Variants in FAM185A observed in about 807,000 individuals in gnomAD.
The protein encoded by FAM185A is family with sequence similarity 185 member A.
A neutral mutation model predicts 45.7 loss-of-function variants in FAM185A; 21 were observed. The ratio of observed to expected loss-of-function variants is 0.46; its 90% confidence interval spans 0.33 to 0.66. FAM185A has a LOEUF of 0.66. FAM185A is among the 30% of genes least tolerant of loss of function. The pLI is 0.03. For missense variants in FAM185A, 305 were observed against 485.4 expected (o/e 0.63, Z 3.49); for synonymous variants, 117 against 194.0 (o/e 0.60, Z 3.30).
Position 102,758,434 on chromosome 7 carries a change from T to A in FAM185A, c.654+488T>A, listed in dbSNP as rs1241179490. On this transcript the variant is annotated intron_variant, in intron 3 of 7. Transcript: ENST00000413034. Reference sequence around the variant, plus strand: ...GCTTTACTGCTCTCACAGCTTTTTTTTTTTTTTTTTTTTTTTTTTTTTTTT... The same window carrying A: ...GCTTTACTGCTCTCACAGCTTTTTTATTTTTTTTTTTTTTTTTTTTTTTTT... 4.2e-5 allele frequency among the ~76,000 whole-genome samples: 5 copies of A among 120,134 alleles called. 1 individual carries two copies. The highest frequency in any genetic ancestry group is 5.0e-4 in the South Asian group (2 of 3,990). 78.8% of individuals were successfully genotyped at this position (120,134 alleles called of 152,430 possible).
intron 7 of FAM185A, among the ~76,000 whole-genome samples, chr7:102,801,117 A>G (rs1796763748): frequency 6.6e-6 from 1 of 152,216 alleles, no homozygotes; most frequent in Non-Finnish European, 1.5e-5. Flanking sequence ...AGAATTTTGT[A>G]TCCAGCGAAA....
chr7:102,770,413 G>GA (rs751333724), intron 4 of FAM185A, among the ~76,000 whole-genome samples: 7 of 145,778 alleles, frequency 4.8e-5, no homozygotes, highest in Admixed American at 6.9e-5. Context: ...ACAACCTACA[G>GA]AATGGGAGAA....
the FAM185A span, among the ~76,000 whole-genome samples, chr7:102,820,074 A>C: frequency 0.014 from 2,137 of 152,296 alleles, 118 homozygotes; most frequent in East Asian, 0.16. Flanking sequence ...TACTAGTCCA[A>C]ACACTGGGAC....
the FAM185A span, among the ~76,000 whole-genome samples, chr7:102,846,197 T>TA: frequency 5.9e-5 from 9 of 151,890 alleles, no homozygotes; most frequent in South Asian, 2.1e-4. Context: ...CCTCATCATT[T>TA]AAAAAAAAAT....
At chr7:102,752,414 G>T (rs1195176912) in intron 2 of FAM185A, among the ~76,000 whole-genome samples, 1 of 151,696 alleles carries the variant, frequency 6.6e-6, no homozygotes, top group Non-Finnish European at 1.5e-5. Context: ...TGGGATTACA[G>T]GCATGCACCA....
the FAM185A span, among the ~76,000 whole-genome samples, chr7:102,840,636 G>T: frequency 5.3e-5 from 8 of 152,150 alleles, no homozygotes; most frequent in African/African-American, 1.9e-4. Flanking sequence ...GAAATAAAGA[G>T]TTCACGAACT....
chr7:102,828,788 G>A, the FAM185A span, among the ~76,000 whole-genome samples: 1 of 152,052 alleles, frequency 6.6e-6, no homozygotes, highest in African/African-American at 2.4e-5. Flanking sequence ...TGGGGATTTC[G>A]CCCAGCTCAC....
the FAM185A span, among the ~76,000 whole-genome samples, chr7:102,846,092 T>G: frequency 2.0e-5 from 3 of 152,218 alleles, no homozygotes; most frequent in Admixed American, 2.0e-4. Flanking sequence ...CAACAGTGCC[T>G]GACATGTAGT....
the FAM185A span, among the ~76,000 whole-genome samples, chr7:102,840,630 TAA>T: frequency 6.6e-6 from 1 of 152,114 alleles, no homozygotes; most frequent in African/African-American, 2.4e-5. Flanking sequence ...CTCTAAGAAA[TAA>T]AGAGTTCACG....
the FAM185A span, among the ~76,000 whole-genome samples, chr7:102,848,971 G>A: frequency 6.6e-6 from 1 of 152,158 alleles, no homozygotes; most frequent in Non-Finnish European, 1.5e-5. Context: ...TTGCACTCCA[G>A]CTTGGGCAAC....
At chr7:102,777,379 T>C in intron 6 of FAM185A, 31 bp downstream of exon 6, 1 of 1,413,068 alleles carries the variant, frequency 7.1e-7, no homozygotes, top group Admixed American at 2.4e-5. Flanking sequence ...TATTTTGACA[T>C]ATGATGTAAG....
chr7:102,755,047 C>G (rs188147552), intron 2 of FAM185A: 5 of 380,646 alleles, frequency 1.3e-5, no homozygotes, highest in African/African-American at 1.0e-4. Context: ...GAAAAAAATG[C>G]ATGTCTATGA....
intron 6 of FAM185A, among the ~76,000 whole-genome samples, chr7:102,780,036 C>A (rs1795309762): frequency 6.6e-6 from 1 of 151,880 alleles, no homozygotes; most frequent in South Asian, 2.1e-4. Flanking sequence ...ATAAAATAAA[C>A]TAGTTGTAGT....
downstream of FAM185A, among the ~76,000 whole-genome samples, chr7:102,812,902 A>G (rs1797522314): frequency 7.1e-6 from 1 of 141,546 alleles, no homozygotes; most frequent in Admixed American, 7.4e-5. Context: ...GAATGCAGTG[A>G]CGTGATCTAG....
intron 7 of FAM185A, among the ~76,000 whole-genome samples, chr7:102,803,217 G>A (rs944061691): frequency 3.3e-5 from 5 of 152,062 alleles, no homozygotes; most frequent in Non-Finnish European, 5.9e-5. Context: ...AACCAGGAAA[G>A]GATACAACCA....
Position 102,787,315 on chromosome 7 carries a change from C to T in FAM185A, c.932-20C>T, listed in dbSNP as rs1416500259. ...TTTGATTTCTTTATATTACTAAGCTCTCCATTATATTTATTACAGGTTCTA... is the reference window on the plus strand; with the variant it reads ...TTTGATTTCTTTATATTACTAAGCTTTCCATTATATTTATTACAGGTTCTA... On this transcript the variant is annotated intron_variant, in intron 6 of 7. Coordinates refer to ENST00000413034, the MANE Select transcript of FAM185A (RefSeq NM_001145268.2). 3 of 1,386,494 alleles carry T rather than the reference C, an allele frequency of 2.2e-6. No homozygotes were observed. The highest frequency in any genetic ancestry group is 2.8e-6 in the Non-Finnish European group (3 of 1,054,732). 85.9% of individuals were successfully genotyped at this position (1,386,494 alleles called of 1,614,324 possible).
chr7:102,765,204 C>CT (rs1182377632), intron 4 of FAM185A, among the ~76,000 whole-genome samples: 1 of 152,216 alleles, frequency 6.6e-6, no homozygotes. Context: ...TCCTGGCTCA[C>CT]TGTAAAGATG....
At chr7:102,821,730 A>G in the FAM185A span, among the ~76,000 whole-genome samples, 9 of 152,310 alleles carry the variant, frequency 5.9e-5, no homozygotes, top group African/African-American at 2.2e-4. Flanking sequence ...TTAATGCTCT[A>G]GGGGAGATTA....
intron 7 of FAM185A, among the ~76,000 whole-genome samples, chr7:102,800,954 CAAAA>C (rs952941385): frequency 6.6e-6 from 1 of 152,102 alleles, no homozygotes; most frequent in Admixed American, 6.5e-5. Context: ...AAAGTTGAGA[CAAAA>C]GAAAGAATCT....
Sources: allele counts gnomAD v4.1 joint callset (sites outside exome capture counted in the v4.1 genomes callset), GRCh38; gene constraint gnomAD v4.1.1; transcripts MANE v1.5; gene names NCBI Gene and HGNC (gene_info 2026-07-23, HGNC 2026-07-21).